The following LAP3 variants were observed in gnomAD, a reference collection of about 807,000 sequenced individuals.
LAP3 encodes cytosol aminopeptidase.
In LAP3, 46 loss-of-function variants were observed where a neutral mutation model predicts 58.8. The ratio of observed to expected loss-of-function variants is 0.78; its 90% CI spans 0.62 to 1.00. LAP3 has a LOEUF of 1.00. LAP3 is among the 50% of genes least tolerant of loss of function. The pLI, the probability that LAP3 is intolerant of heterozygous loss-of-function variation, is 0.00. For missense variants in LAP3, 615 were observed against 659.1 expected (o/e 0.93, Z 0.73); for synonymous variants, 257 against 237.7 (o/e 1.08, Z -0.75).
chr4:17,599,758 A>G (rs1193259819), intron 10 of LAP3, among the ~76,000 whole-genome samples: 1 of 151,472 alleles, frequency 6.6e-6, no homozygotes, highest in African/African-American at 2.4e-5. Flanking sequence ...ATAAGGAAAT[A>G]AAAACATTTT....
chr4:17,607,416 AC>A lies in LAP3; in HGVS notation c.1388del (p.Thr463LysfsTer6), dbSNP rs755877935. The stretch of plus-strand genomic sequence containing the variant: ...TCTCTTCAGATCTGCAGGAGCATGT[AC>A]AGCTGCAGCATTCCTGAAAGAATTC... ...IGKYRSAGAC[T>X]AAAFLKEFVT... is the part of the protein sequence containing the mutation. On this transcript the variant is annotated frameshift_variant, in exon 13 of 13. Transcript: ENST00000226299. LOFTEE classifies it high-confidence loss of function. The A allele has an allele frequency of 6.2e-7, 1 of 1,613,374 alleles. No homozygotes were observed. The highest frequency in any genetic ancestry group is 8.5e-7 in the Non-Finnish European group (1 of 1,179,868).
chr4:17,577,383 C>T lies in LAP3; in HGVS notation c.-83C>T. On this transcript the variant is annotated 5_prime_UTR_variant, in exon 1 of 13. Coordinates refer to ENST00000226299, the MANE Select transcript of LAP3 (RefSeq NM_015907.3). Reference sequence around the variant, plus strand: ...AGTCCGCGCGCACGCCGTCTGCGCCCCGAAAGCCCCGCCCCAAGGCGCGCC... The same window carrying T: ...AGTCCGCGCGCACGCCGTCTGCGCCTCGAAAGCCCCGCCCCAAGGCGCGCC... 1.8e-6 allele frequency: 2 copies of T among 1,102,526 alleles called. No individual in the cohort carries two copies. The highest frequency in any genetic ancestry group is 2.5e-6 in the Non-Finnish European group (2 of 812,320). 68.3% of individuals were successfully genotyped at this position (1,102,526 alleles called of 1,614,324 possible). A position where few individuals can be genotyped will look rare whatever the true frequency, so the allele number is the denominator to read the frequency against.
chr4:17,605,989 C>A (rs1325657937), intron 11 of LAP3, among the ~76,000 whole-genome samples: 3 of 152,094 alleles, frequency 2.0e-5, no homozygotes, highest in Non-Finnish European at 4.4e-5. Context: ...TGATTTTTTA[C>A]CAGTGAGTTA....
intron 6 of LAP3, chr4:17,585,463 G>A (rs1713487033): frequency 5.8e-6 from 1 of 173,734 alleles, no homozygotes; most frequent in Non-Finnish European, 1.2e-5. Context: ...TTGAGACAAG[G>A]TTTTGCTCTG....
At chr4:17,606,372 C>A (rs1714139754) in intron 11 of LAP3, among the ~76,000 whole-genome samples, 1 of 152,150 alleles carries the variant, frequency 6.6e-6, no homozygotes, top group South Asian at 2.1e-4. Context: ...CGGAGCCTCG[C>A]TCTGTCGCCA....
At position 17,585,057 on chromosome 4, in the gene LAP3, G is replaced by C. The variant is rs1486042020; in HGVS notation, c.625G>C (p.Glu209Gln). ...ARQLMETPAN[E>Q]MTPTRFAEII... ...CCAATTGATGGAGACGCCAGCCAATGAGATGACGCCAACCAGATTTGCTGA... is the reference window on the plus strand; with the variant it reads ...CCAATTGATGGAGACGCCAGCCAATCAGATGACGCCAACCAGATTTGCTGA... The change falls in exon 6 of 13, where the codon GAG (glutamate) becomes CAG (glutamine). Residue 209 changes from glutamate to glutamine, a missense_variant. Physicochemically the swap from Glu to Gln is conservative, Grantham distance 29 (BLOSUM62 2). Transcript: ENST00000226299. 6.2e-7 allele frequency: 1 copy of C among 1,614,084 alleles called. No homozygotes were observed. Among genetic ancestry groups the C allele is most frequent in the African/African-American group, 1.3e-5 (1 of 75,052 alleles).
At chr4:17,606,762 T>C in intron 11 of LAP3, 67 bp from the exon 12 acceptor site, 2 of 970,884 alleles carry the variant, frequency 2.1e-6, no homozygotes, top group East Asian at 2.4e-5. Flanking sequence ...GCATTGAGCA[T>C]GTTAATGCCA....
At chr4:17,584,527 A>C (rs929508067) in intron 5 of LAP3, among the ~76,000 whole-genome samples, 1 of 152,226 alleles carries the variant, frequency 6.6e-6, no homozygotes, top group African/African-American at 2.4e-5. Flanking sequence ...GAAAGCAAAA[A>C]GGTCTTCAGT....
At chr4:17,586,961 C>T (rs1158091768) in intron 6 of LAP3, among the ~76,000 whole-genome samples, 1 of 152,174 alleles carries the variant, frequency 6.6e-6, no homozygotes, top group African/African-American at 2.4e-5. Context: ...CAAAACTTAG[C>T]TGGGAGTGGT....
At chr4:17,591,779 G>A (rs1223968549) in intron 7 of LAP3, among the ~76,000 whole-genome samples, 1 of 152,138 alleles carries the variant, frequency 6.6e-6, no homozygotes, top group Non-Finnish European at 1.5e-5. Flanking sequence ...TGGAGAGAAG[G>A]GGCAAGATAC....
intron 8 of LAP3, 52 bp downstream of exon 8, chr4:17,595,586 T>C: frequency 6.3e-7 from 1 of 1,583,732 alleles, no homozygotes; most frequent in Non-Finnish European, 8.7e-7. Flanking sequence ...TCTAGCCAGG[T>C]GGGAGAAGAG....
chr4:17,595,677 CAGATA>C, intron 8 of LAP3, 143 bp downstream of exon 8: 1 of 974,962 alleles, frequency 1.0e-6, no homozygotes, highest in Non-Finnish European at 1.5e-6. Flanking sequence ...CTATTTAGCC[CAGATA>C]AGTGTTTTAC....
At chr4:17,583,277 A>C (rs1713412279) in intron 4 of LAP3, among the ~76,000 whole-genome samples, 1 of 152,088 alleles carries the variant, frequency 6.6e-6, no homozygotes, top group African/African-American at 2.4e-5. Context: ...TGTCCTCACC[A>C]CCACCTGGGA....
Position 17,606,838 on chromosome 4 carries a change from G to A in LAP3, c.1270G>A (p.Glu424Lys). 1 of 1,610,734 alleles carries A rather than the reference G, an allele frequency of 6.2e-7. No homozygotes were observed. Among genetic ancestry groups the A allele is most frequent in the Non-Finnish European group, 8.5e-7 (1 of 1,179,094 alleles). ...LWNKLFEASI[E>K]TGDRVWRMPL... Reference sequence around the variant, plus strand: ...CATACCTGTTCTCTAGGCCAGCATTGAAACAGGGGACCGTGTCTGGAGGAT... The same window carrying A: ...CATACCTGTTCTCTAGGCCAGCATTAAAACAGGGGACCGTGTCTGGAGGAT... The change falls in exon 12 of 13, where the codon GAA (glutamate) becomes AAA (lysine). Residue 424 changes from glutamate to lysine, a missense_variant. Coordinates refer to ENST00000226299, the MANE Select transcript of LAP3 (RefSeq NM_015907.3).
At chr4:17,580,917 A>G (rs191557056) in intron 2 of LAP3, among the ~76,000 whole-genome samples, 1 of 152,362 alleles carries the variant, frequency 6.6e-6, no homozygotes, top group Admixed American at 6.5e-5. Context: ...GATGCAGTCT[A>G]ATAATTATAG....
Position 17,577,438 on chromosome 4 carries a change from G to A in LAP3, c.-28G>A. 6.6e-7 allele frequency: 1 copy of A among 1,517,640 alleles called. No homozygotes were observed. The highest frequency in any genetic ancestry group is 8.9e-7 in the Non-Finnish European group (1 of 1,127,356). 94.0% of individuals were successfully genotyped at this position (1,517,640 alleles called of 1,614,324 possible). On this transcript the variant is annotated 5_prime_UTR_variant, in exon 1 of 13. Coordinates refer to ENST00000226299, the MANE Select transcript of LAP3 (RefSeq NM_015907.3). ...CACCGCTCTCCACGTGCTCGCTGGA[G>A]GGCGGTGCGAGGGGCCGAGCCGACA...
At chr4:17,599,898 T>C (rs1227633562) in intron 10 of LAP3, among the ~76,000 whole-genome samples, 1 of 152,210 alleles carries the variant, frequency 6.6e-6, no homozygotes, top group Non-Finnish European at 1.5e-5. Flanking sequence ...TCTTGGCCCT[T>C]TTGAGCATTG....
intron 11 of LAP3, 102 bp downstream of exon 11, chr4:17,604,769 TG>T (rs1265398243): frequency 1.1e-6 from 1 of 881,948 alleles, no homozygotes; most frequent in Non-Finnish European, 1.8e-6. Flanking sequence ...GTGATTTTTA[TG>T]CCGCAGGTTT....
chr4:17,592,105 A>G (rs1454086482), intron 7 of LAP3, among the ~76,000 whole-genome samples: 1 of 152,102 alleles, frequency 6.6e-6, no homozygotes, highest in Non-Finnish European at 1.5e-5. Context: ...AAATAAATAG[A>G]TAGATTAGAT....
Sources: allele counts gnomAD v4.1 joint callset (sites outside exome capture counted in the v4.1 genomes callset), GRCh38; gene constraint gnomAD v4.1.1; transcripts MANE v1.5; gene names NCBI Gene and HGNC (gene_info 2026-07-23, HGNC 2026-07-21).